Variants in EYS observed in about 807,000 individuals in gnomAD.
EYS encodes protein eyes shut homolog.
Under a neutral mutation model 282.1 loss-of-function variants are expected in EYS, and 250 were observed. That is an observed-to-expected ratio of 0.89 (90% CI 0.80 to 0.98). EYS has a LOEUF of 0.98. Among genes scored for constraint, EYS ranks in the 50% least tolerant of loss-of-function variants. The pLI, the probability that EYS is intolerant of heterozygous loss-of-function variation, is 0.00. For missense variants in EYS, 4,016 were observed against 3,709.0 expected, an observed-to-expected ratio of 1.08 and a Z score of -2.15; for synonymous variants, 1,355 against 1,282.9, an observed-to-expected ratio of 1.06 and a Z score of -1.20.
intron 26 of EYS, among the ~76,000 whole-genome samples, chr6:64,484,394 A>G (rs561691101): frequency 6.6e-6 from 1 of 151,676 alleles, no homozygotes; most frequent in South Asian, 2.1e-4. Context: ...AAGCTTTAGT[A>G]AAAATGCTGC....
chr6:65,010,005 A>C (rs965861731), intron 13 of EYS, among the ~76,000 whole-genome samples: 1 of 152,214 alleles, frequency 6.6e-6, no homozygotes. Flanking sequence ...CAGAAATCCA[A>C]TACCCATTTA....
chr6:64,969,457 A>G (rs1471118769), intron 14 of EYS, among the ~76,000 whole-genome samples: 3 of 152,142 alleles, frequency 2.0e-5, no homozygotes, highest in Non-Finnish European at 4.4e-5. Flanking sequence ...TTAAGGGTGA[A>G]TAATCACCAT....
At chr6:64,340,041 C>G (rs914927147) in intron 29 of EYS, among the ~76,000 whole-genome samples, 4 of 2,986 alleles carry the variant, frequency 1.3e-3, no homozygotes, top group African/African-American at 7.2e-3. Context: ...CCCCAATAAT[C>G]TATGAAAAAA....
chr6:65,264,537 A>C (rs1421205111), intron 12 of EYS, among the ~76,000 whole-genome samples: 1 of 152,074 alleles, frequency 6.6e-6, no homozygotes, highest in African/African-American at 2.4e-5. Flanking sequence ...TTGTATTGCA[A>C]ATTTGGGTAC....
intron 12 of EYS, among the ~76,000 whole-genome samples, chr6:65,090,031 A>G (rs1774510720): frequency 6.6e-6 from 1 of 150,776 alleles, no homozygotes; most frequent in Non-Finnish European, 1.5e-5. Flanking sequence ...ACTTTGGGGG[A>G]CAGTTGGAAG....
At chr6:65,244,380 A>G (rs1280048306) in intron 12 of EYS, among the ~76,000 whole-genome samples, 1 of 152,220 alleles carries the variant, frequency 6.6e-6, no homozygotes, top group Non-Finnish European at 1.5e-5. Context: ...GTTATTCTTT[A>G]AAACCTACTA....
rs139630461 is a variant in EYS at position 64,154,810 on chromosome 6, A to G, written c.6425-72808T>C. ...ACACAATTGTGTGTTCCAAGTAGAG[A>G]TATGTCATGAGGTGTGTGTTTTTTT... is the stretch of plus-strand genomic sequence containing the variant. On this transcript the variant is annotated intron_variant, in intron 31 of 42. Transcript: ENST00000503581. Among the ~76,000 whole-genome samples, 99 of 152,250 alleles carry G rather than the reference A, an allele frequency of 6.5e-4. 1 individual carries two copies. The East Asian group carries it at 0.015, about 23-fold the overall frequency.
At chr6:65,429,100 A>T (rs2150382573) in intron 5 of EYS, among the ~76,000 whole-genome samples, 1 of 152,240 alleles carries the variant, frequency 6.6e-6, no homozygotes, top group Non-Finnish European at 1.5e-5. Flanking sequence ...GAATTGCTTG[A>T]ACCCAGGAGG....
intron 22 of EYS, among the ~76,000 whole-genome samples, chr6:64,723,163 T>C (rs180809149): frequency 6.1e-4 from 93 of 152,058 alleles, no homozygotes; most frequent in African/African-American, 2.1e-3. Context: ...AGACATTCCA[T>C]CTGTGTAGTC....
chr6:64,594,387 G>A (rs1370110855), intron 24 of EYS, among the ~76,000 whole-genome samples: 2 of 152,060 alleles, frequency 1.3e-5, no homozygotes, highest in Admixed American at 1.3e-4. Context: ...AATCCTTTGG[G>A]TATATACTCA....
At chr6:64,992,550 T>C (rs897186276) in intron 14 of EYS, among the ~76,000 whole-genome samples, 1 of 151,902 alleles carries the variant, frequency 6.6e-6, no homozygotes, top group East Asian at 1.9e-4. Flanking sequence ...GCTAAGATAT[T>C]TCAGGATGGA....
intron 31 of EYS, among the ~76,000 whole-genome samples, chr6:64,142,071 G>C (rs116658166): frequency 6.6e-6 from 1 of 152,026 alleles, no homozygotes; most frequent in African/African-American, 2.4e-5. Flanking sequence ...AAAGCAGACC[G>C]GACAATAAGT....
chr6:64,378,827 A>G (rs1772650494), intron 29 of EYS, among the ~76,000 whole-genome samples: 1 of 152,170 alleles, frequency 6.6e-6, no homozygotes, highest in Non-Finnish European at 1.5e-5. Flanking sequence ...CTGGCTTCAT[A>G]AGAAAGCACT....
chr6:63,979,046 A>G (rs1048226647), intron 35 of EYS, among the ~76,000 whole-genome samples: 4 of 151,998 alleles, frequency 2.6e-5, no homozygotes, highest in Non-Finnish European at 5.9e-5. Context: ...AATTATTAAT[A>G]TGAATTGGGG....
At chr6:64,976,180 G>T (rs945630662) in intron 14 of EYS, among the ~76,000 whole-genome samples, 9 of 151,694 alleles carry the variant, frequency 5.9e-5, no homozygotes, top group Admixed American at 6.6e-5. Flanking sequence ...ATATTGAACC[G>T]CCTCTTTTTT....
At chr6:64,674,753 C>T (rs1389598755) in intron 22 of EYS, among the ~76,000 whole-genome samples, 1 of 147,638 alleles carries the variant, frequency 6.8e-6, no homozygotes, top group Non-Finnish European at 1.5e-5. Context: ...CACACACACA[C>T]GCATATATAC....
chr6:64,315,543 G>C (rs979594024), intron 29 of EYS, among the ~76,000 whole-genome samples: 1 of 151,296 alleles, frequency 6.6e-6, no homozygotes, highest in Non-Finnish European at 1.5e-5. Flanking sequence ...ACCGAATCCA[G>C]CCACACATCA....
rs147703758 is a variant in EYS, at chr6:64,638,898, G to C, written c.3444-12653C>G. On this transcript the variant is annotated intron_variant, in intron 22 of 42. Coordinates refer to ENST00000503581, the MANE Select transcript of EYS (RefSeq NM_001142800.2). ...ACTTGATGTGTTTAACAGTTCCTTGGTTGCTTTAGTAAATTCTTTCCTTGT... is the reference window on the plus strand; with the variant it reads ...ACTTGATGTGTTTAACAGTTCCTTGCTTGCTTTAGTAAATTCTTTCCTTGT... Among the ~76,000 whole-genome samples, 89 of 90,274 alleles carry C rather than the reference G, an allele frequency of 9.9e-4. 21 individuals carry two copies. The highest frequency in any genetic ancestry group is 3.7e-3 in the African/African-American group (83 of 22,562). The allele number at this position is 90,274 out of a possible 152,430, so 59.2% of individuals were successfully genotyped here. A position where few individuals can be genotyped will look rare whatever the true frequency, so the allele number is the denominator to read the frequency against.
chr6:63,729,237 T>C (rs929326184), intron 41 of EYS, among the ~76,000 whole-genome samples: 1 of 152,204 alleles, frequency 6.6e-6, no homozygotes, highest in Non-Finnish European at 1.5e-5. Flanking sequence ...ATCAGATATA[T>C]ATTTTGCAAA....
Sources: gnomAD v4.1 joint callset for allele counts (sites outside exome capture counted in the v4.1 genomes callset) on GRCh38, gnomAD v4.1.1 for gene constraint, MANE v1.5 for transcripts, NCBI Gene and HGNC (gene_info 2026-07-23, HGNC 2026-07-21) for gene names.